THSD7A: variants seen among roughly 807,000 people sequenced by gnomAD.
THSD7A encodes the protein thrombospondin type-1 domain-containing protein 7A.
A neutral mutation model predicts 231.3 loss-of-function variants in THSD7A; 96 were observed. The observed-to-expected ratio is 0.41, with a 90% CI of 0.35 to 0.49. The LOEUF (loss-of-function observed/expected upper bound fraction) is 0.49, where lower values mean the gene tolerates loss of function less well. THSD7A is among the 20% of genes least tolerant of loss of function. The probability of loss-of-function intolerance (pLI) is 0.05; values close to 1 mark genes in which losing one functional copy is unlikely to be tolerated. For synonymous variants in THSD7A, 940 were observed against 743.3 expected, an observed-to-expected ratio of 1.26 and a Z score of -4.30; for missense variants, 2,290 against 2,070.2, an observed-to-expected ratio of 1.11 and a Z score of -2.06.
chr7:11,734,509 C>T (rs1028910690), intron 1 of THSD7A, among the ~76,000 whole-genome samples: 4 of 151,932 alleles, frequency 2.6e-5, no homozygotes, highest in East Asian at 3.9e-4. Context: ...ATCTGCCTTA[C>T]GTTTTCTTGA....
chr7:11,609,590 G>A (rs1054542412), intron 2 of THSD7A, among the ~76,000 whole-genome samples: 4 of 152,070 alleles, frequency 2.6e-5, no homozygotes, highest in African/African-American at 9.7e-5. Context: ...CCCAACATAA[G>A]AAGAGCTGCC....
At chr7:11,756,778 G>C (rs1219756915) in intron 1 of THSD7A, among the ~76,000 whole-genome samples, 1 of 152,000 alleles carries the variant, frequency 6.6e-6, no homozygotes, top group African/African-American at 2.4e-5. Context: ...TGAAAATACA[G>C]AAAGGAAAGG....
At chr7:11,546,199 C>CGTGTGT (rs150053928) in intron 4 of THSD7A, among the ~76,000 whole-genome samples, 18,367 of 99,774 alleles carry the variant, frequency 0.18, 1,552 homozygotes, top group Admixed American at 0.27. Flanking sequence ...GGTGTGGGCG[C>CGTGTGT]GCGCTCACAC....
chr7:11,375,703 A>G lies in THSD7A; in HGVS notation c.*91T>C. The G allele has an allele frequency of 2.9e-6, 3 of 1,036,234 alleles. No homozygotes were observed. The highest frequency in any genetic ancestry group is 4.4e-6 in the Non-Finnish European group (3 of 684,832). 64.2% of individuals were successfully genotyped at this position (1,036,234 alleles called of 1,614,324 possible). A position where few individuals can be genotyped will look rare whatever the true frequency, so the allele number is the denominator to read the frequency against. On this transcript the variant is annotated 3_prime_UTR_variant, in exon 28 of 28. Transcript: ENST00000423059. ...ATTTTTAAAAATTAAAATATATTTTAATCCACACAGTTTGGATACATTTGT... is the reference window on the plus strand; with the variant it reads ...ATTTTTAAAAATTAAAATATATTTTGATCCACACAGTTTGGATACATTTGT...
rs77305321 is a variant in THSD7A at position 11,414,749 on chromosome 7, G to A, written c.3538-1949C>T. Among the ~76,000 whole-genome samples, 555 of 152,236 alleles carry A rather than the reference G, an allele frequency of 3.6e-3. 4 individuals carry two copies. The highest frequency in any genetic ancestry group is 0.013 in the African/African-American group (522 of 41,538). On this transcript the variant is annotated intron_variant, in intron 17 of 27. Coordinates refer to ENST00000423059, the MANE Select transcript of THSD7A (RefSeq NM_015204.3). Reference sequence around the variant, plus strand: ...GGACTTTTTAAGGCCTAAAATAATTGCTTCCTCCTCCCCTGCTTCCGTTGC... The same window carrying A: ...GGACTTTTTAAGGCCTAAAATAATTACTTCCTCCTCCCCTGCTTCCGTTGC...
chr7:11,759,448 CA>C (rs1251128721), intron 1 of THSD7A, among the ~76,000 whole-genome samples: 2 of 151,914 alleles, frequency 1.3e-5, no homozygotes, highest in Admixed American at 1.3e-4. Flanking sequence ...CAGTGTGGCA[CA>C]CAGACATATG....
intron 8 of THSD7A, among the ~76,000 whole-genome samples, chr7:11,471,620 T>G (rs554945680): frequency 2.1e-4 from 31 of 148,870 alleles, no homozygotes; most frequent in African/African-American, 7.5e-4. Context: ...TATTTAAGGA[T>G]TCAACATTTC....
intron 2 of THSD7A, among the ~76,000 whole-genome samples, chr7:11,609,044 T>A (rs1780833117): frequency 6.6e-6 from 1 of 152,192 alleles, no homozygotes; most frequent in South Asian, 2.1e-4. Flanking sequence ...TTTATGAGGA[T>A]AAACTGCCGT....
intron 6 of THSD7A, among the ~76,000 whole-genome samples, chr7:11,491,949 T>C (rs1786910907): frequency 6.6e-6 from 1 of 152,032 alleles, no homozygotes; most frequent in African/African-American, 2.4e-5. Flanking sequence ...TCTCACACTT[T>C]TTTCTCTGAG....
At chr7:11,507,839 T>G (rs1035777132) in intron 6 of THSD7A, among the ~76,000 whole-genome samples, 1 of 152,172 alleles carries the variant, frequency 6.6e-6, no homozygotes, top group Non-Finnish European at 1.5e-5. Context: ...AAGCTTAACA[T>G]GTAAAATATA....
At chr7:11,487,321 A>C (rs1786699366) in intron 6 of THSD7A, among the ~76,000 whole-genome samples, 1 of 152,182 alleles carries the variant, frequency 6.6e-6, no homozygotes, top group South Asian at 2.1e-4. Flanking sequence ...AACTGAGATC[A>C]GTGGATAGTC....
chr7:11,488,767 A>G (rs955112629), intron 6 of THSD7A, among the ~76,000 whole-genome samples: 1 of 152,146 alleles, frequency 6.6e-6, no homozygotes, highest in Non-Finnish European at 1.5e-5. Context: ...TCACTAGAAC[A>G]AAGAAAATAG....
intron 4 of THSD7A, among the ~76,000 whole-genome samples, chr7:11,566,583 C>T (rs985464103): frequency 6.6e-6 from 1 of 152,172 alleles, no homozygotes; most frequent in Non-Finnish European, 1.5e-5. Context: ...CATTCCAGAA[C>T]AGAGCTGCAT....
At chr7:11,644,845 G>A (rs554478894) in intron 1 of THSD7A, among the ~76,000 whole-genome samples, 3 of 151,948 alleles carry the variant, frequency 2.0e-5, no homozygotes, top group African/African-American at 7.2e-5. Context: ...TGACCCATAA[G>A]CTAAGTACCA....
At position 11,661,384 on chromosome 7, in the gene THSD7A, T is replaced by C. The variant is rs574938745; in HGVS notation, c.191-24423A>G. 4.0e-5 allele frequency among the ~76,000 whole-genome samples: 6 copies of C among 151,436 alleles called. No homozygotes were observed. In the Admixed American group the frequency reaches 4.0e-4, roughly 10 times the overall value. ...TACAAAGATATAGGACAGCTAGATA[T>C]CAGCAGCTATCAGATCTGTACTTTA... On this transcript the variant is annotated intron_variant, in intron 1 of 27. Transcript: ENST00000423059.
chr7:11,682,166 A>G (rs1783894271), intron 1 of THSD7A, among the ~76,000 whole-genome samples: 1 of 152,128 alleles, frequency 6.6e-6, no homozygotes, highest in African/African-American at 2.4e-5. Flanking sequence ...GTAAGTACAT[A>G]TCCCACAGAT....
At chr7:11,791,822 C>A (rs1783960013) in intron 1 of THSD7A, among the ~76,000 whole-genome samples, 1 of 151,836 alleles carries the variant, frequency 6.6e-6, no homozygotes, top group African/African-American at 2.4e-5. Context: ...GCTCCATTTC[C>A]TTTCTTTGGA....
intron 1 of THSD7A, among the ~76,000 whole-genome samples, chr7:11,808,422 A>T (rs1479471791): frequency 2.0e-5 from 3 of 151,996 alleles, no homozygotes; most frequent in Non-Finnish European, 4.4e-5. Flanking sequence ...ACCTGCCAAC[A>T]CCTTGGTCTT....
chr7:11,611,183 C>G (rs879794654), intron 2 of THSD7A, among the ~76,000 whole-genome samples: 1 of 151,880 alleles, frequency 6.6e-6, no homozygotes, highest in Admixed American at 6.6e-5. Flanking sequence ...TTATATATCT[C>G]AAGTGTTAGA....
Sources: gnomAD v4.1 joint callset for allele counts (sites outside exome capture counted in the v4.1 genomes callset) on GRCh38, gnomAD v4.1.1 for gene constraint, MANE v1.5 for transcripts, NCBI Gene and HGNC (gene_info 2026-07-23, HGNC 2026-07-21) for gene names.